Variants in VSIG10L observed in about 807,000 individuals in gnomAD.
VSIG10L encodes the protein V-set and immunoglobulin domain containing 10 like.
VSIG10L carries 63 observed loss-of-function variants against 67.3 expected under a neutral mutation model. The ratio of observed to expected loss-of-function variants is 0.94; its 90% CI spans 0.76 to 1.15. The LOEUF is 1.15. VSIG10L is among the 50% of genes most tolerant of loss of function. The probability of loss-of-function intolerance (pLI) is 0.00; values close to 1 mark genes in which losing one functional copy is unlikely to be tolerated. For synonymous variants in VSIG10L, 499 were observed against 524.9 expected (o/e 0.95, Z 0.67); for missense variants, 1,050 against 1,177.5 (o/e 0.89, Z 1.58).
rs1985423831 is a variant in VSIG10L at position 51,334,131 on chromosome 19, C to T, written c.2419+60G>A. 4.6e-6 allele frequency: 7 copies of T among 1,532,186 alleles called. No homozygotes were observed. The Admixed American group carries it at 1.4e-4, about 30-fold the overall frequency. The allele number at this position is 1,532,186 out of a possible 1,614,324, so 94.9% of individuals were successfully genotyped here. ...TGCCTCAGCCAGGTCTTCCATAGGC[C>T]TCTTTCTAGGGTCCCTCCCCGTTGG... On this transcript the variant is annotated intron_variant, in intron 8 of 9. Transcript: ENST00000335624.
chr19:51,339,060 G>A lies in VSIG10L; in HGVS notation c.1557C>T (p.Gly519=), dbSNP rs960927682. ...ACTGCAGGGAGGCAGCAGGGGCCCC[G>A]CCGGGCCACGAGCAGCGGAAGCGGA... ...RSLRFRCSWP[G]GAPAASLQFQ... is the part of the protein sequence containing the mutation. The change falls in exon 5 of 10, where the codon GGC becomes GGT. Residue 519 remains glycine, a synonymous_variant. Transcript: ENST00000335624. The A allele has an allele frequency of 2.2e-6, 3 of 1,338,080 alleles. No individual in the cohort carries two copies. Among genetic ancestry groups the A allele is most frequent in the Non-Finnish European group, 2.9e-6 (3 of 1,036,472 alleles). The allele number at this position is 1,338,080 out of a possible 1,614,324, so 82.9% of individuals were successfully genotyped here. A position where few individuals can be genotyped will look rare whatever the true frequency, so the allele number is the denominator to read the frequency against.
At position 51,341,162 on chromosome 19, in the gene VSIG10L, C is replaced by A; in HGVS notation, c.886G>T (p.Gly296Cys). Reference sequence around the variant, plus strand: ...GCCAGGGCCCACTTACCATACACACCCACCGTGAACTCGTGAGTCTGCTGG... The same window carrying A: ...GCCAGGGCCCACTTACCATACACACACACCGTGAACTCGTGAGTCTGCTGG... The part of the protein sequence containing the change: ...VSQQTHEFTV[G>C]VYEPLPQLSV... Residue 296 changes from glycine (G) to cysteine (C), a missense_variant, in exon 2 of 10, where the codon GGT becomes TGT. By Grantham distance (159) the Gly-to-Cys change is radical. Coordinates refer to ENST00000335624, the MANE Select transcript of VSIG10L (RefSeq NM_001163922.3). The A allele has an allele frequency of 1.3e-6, 2 of 1,519,976 alleles. No homozygotes were observed. Among genetic ancestry groups the A allele is most frequent in the African/African-American group, 2.8e-5 (2 of 71,924 alleles). 94.2% of individuals were successfully genotyped at this position (1,519,976 alleles called of 1,614,324 possible). A position where few individuals can be genotyped will look rare whatever the true frequency, so the allele number is the denominator to read the frequency against.
Position 51,341,465 on chromosome 19 carries a change from C to A in VSIG10L, c.583G>T (p.Val195Leu). 2 of 1,545,178 alleles carry A rather than the reference C, an allele frequency of 1.3e-6. No individual in the cohort carries two copies. Among genetic ancestry groups the A allele is most frequent in the East Asian group, 4.9e-5 (2 of 40,872 alleles). The change falls in exon 2 of 10, where the codon GTG becomes TTG. Residue 195 changes from valine (V) to leucine (L), a missense_variant. Val to Leu is a conservative substitution (Grantham distance 32). Coordinates refer to ENST00000335624, the MANE Select transcript of VSIG10L (RefSeq NM_001163922.3). ...THSAASFPQQ[V>L]GGPLAVLVGT... ...ACCAGCACAGCGAGTGGGCCCCCCACCTGCTGGGGAAAGCTTGCAGCTGAG... is the reference window on the plus strand; with the variant it reads ...ACCAGCACAGCGAGTGGGCCCCCCAACTGCTGGGGAAAGCTTGCAGCTGAG...
At chr19:51,339,266 A>C in intron 4 of VSIG10L, 124 bp from the exon 5 acceptor site, 1 of 1,047,370 alleles carries the variant, frequency 9.5e-7, no homozygotes, top group Non-Finnish European at 1.2e-6. Flanking sequence ...CACACTCCCC[A>C]CTTTTCCTGC....
Position 51,341,622 on chromosome 19 carries a change from A to G in VSIG10L, c.426T>C (p.Ala142=). The G allele has an allele frequency of 1.9e-6, 3 of 1,551,734 alleles. No homozygotes were observed. The highest frequency in any genetic ancestry group is 2.6e-6 in the Non-Finnish European group (3 of 1,146,996). The change falls in exon 2 of 10, where the codon GCT becomes GCC. Residue 142 remains alanine (A), a synonymous_variant. Coordinates refer to ENST00000335624, the MANE Select transcript of VSIG10L (RefSeq NM_001163922.3). ...GGGAGACTTGAGTAGAAATGTTTGA[A>G]GCTGGGGTCTTAACAGTGAAGGAAG... ...PKPSFTVKTP[A]SNISTQVSHT... is the part of the protein sequence containing the mutation.
rs372076222 is a variant in VSIG10L at position 51,332,653 on chromosome 19, G to A, written c.2575-13C>T. 344 of 1,550,718 alleles carry A rather than the reference G, an allele frequency of 2.2e-4. 2 individuals are homozygous for A. The African/African-American group carries it at 4.5e-3, about 20-fold the overall frequency. ...CTGGGGTCTGTGCCTGGAAGAGAGA[G>A]GTGGGGTGAGGGGAGAACTCAGTAG... On this transcript the variant is annotated splice_polypyrimidine_tract_variant and intron_variant, in intron 9 of 9. Coordinates refer to ENST00000335624, the MANE Select transcript of VSIG10L (RefSeq NM_001163922.3).
intron 7 of VSIG10L, among the ~76,000 whole-genome samples, chr19:51,336,137 G>C (rs1237349133): frequency 1.3e-5 from 2 of 152,186 alleles, no homozygotes; most frequent in African/African-American, 4.8e-5. Flanking sequence ...AAAAACATAT[G>C]TTGAAGTCCT....
rs953210796 is a variant in VSIG10L, at chr19:51,340,568, C to A, written c.1054G>T (p.Glu352Ter). The A allele has an allele frequency of 2.0e-6, 3 of 1,535,560 alleles. No homozygotes were observed. The highest frequency in any genetic ancestry group is 4.9e-5 in the East Asian group (2 of 40,874). The part of the protein sequence containing the change: ...ALEAAESEGA[E>*]TPRMRSEGDQ... ...CCCTCTGAGCGCATCCGGGGCGTCT[C>A]GGCTCCCTCCGATTCCGCCGCCTCC... is the stretch of plus-strand genomic sequence containing the variant. Residue 352 changes from glutamate (E) to a stop codon, truncating the protein, a stop_gained, in exon 3 of 10, where the codon GAG becomes TAG. Coordinates refer to ENST00000335624, the MANE Select transcript of VSIG10L (RefSeq NM_001163922.3). LOFTEE classifies it high-confidence loss of function. This position sits in a 1 kb window ranked among gnomAD's most constrained non-coding sequence, Gnocchi z 6.3.
At chr19:51,337,906 GT>G (rs1454631248) in intron 6 of VSIG10L, 23 bp downstream of exon 6, 1 of 1,527,322 alleles carries the variant, frequency 6.5e-7, no homozygotes. Flanking sequence ...GGACTTCAGG[GT>G]TTTTTGAAAT....
Position 51,341,249 on chromosome 19 carries a change from C to A in VSIG10L, c.799G>T (p.Ala267Ser), listed in dbSNP as rs1353765164. Reference protein sequence around the residue: ...FDQARGVLELASAQLDDAGVY... With the variant: ...FDQARGVLELSSAQLDDAGVY... ...CCTGCATCGTCCAGCTGGGCAGAGG[C>A]GAGCTCCAGAACCCCCCGGGCCTGG... The change falls in exon 2 of 10, where the codon GCC becomes TCC. Residue 267 changes from alanine (A) to serine (S), a missense_variant. Ala to Ser is a moderately conservative substitution (Grantham distance 99, BLOSUM62 1). Around this residue, in one of 3 missense-constraint regions of VSIG10L, gnomAD observed 511 missense variants for 557.9 expected, o/e 0.92. Coordinates refer to ENST00000335624, the MANE Select transcript of VSIG10L (RefSeq NM_001163922.3). The A allele has an allele frequency of 6.4e-7, 1 of 1,550,834 alleles. No individual in the cohort carries two copies. The highest frequency in any genetic ancestry group is 1.4e-5 in the African/African-American group (1 of 73,100).
rs1401695354 is a variant in VSIG10L, at chr19:51,337,300, C to T, written c.2243G>A (p.Arg748Gln). The T allele has an allele frequency of 1.4e-5, 22 of 1,551,494 alleles. No homozygotes were observed. The highest frequency in any genetic ancestry group is 7.1e-5 in the South Asian group (6 of 84,042). Residue 748 changes from arginine (R) to glutamine (Q), a missense_variant, in exon 7 of 10, where the codon CGG becomes CAG. Physicochemically the swap from Arg to Gln is conservative, Grantham distance 43. Coordinates refer to ENST00000335624, the MANE Select transcript of VSIG10L (RefSeq NM_001163922.3). ...PPRNPGTWTFRILPILGGQPG... is the reference protein window; with the variant it reads ...PPRNPGTWTFQILPILGGQPG... ...CTGGCCCCCCAGGATGGGCAGGATC[C>T]GAAAGGTCCAGGTCCCTGGGTTCCG...
rs1224247549 is a variant in VSIG10L at position 51,332,421 on chromosome 19, G to A, written c.*190C>T. The A allele has an allele frequency of 2.8e-6, 2 of 714,104 alleles. No individual in the cohort carries two copies. Among genetic ancestry groups the A allele is most frequent in the East Asian group, 5.5e-5 (2 of 36,666 alleles). The allele number at this position is 714,104 out of a possible 1,614,324, so 44.2% of individuals were successfully genotyped here. On this transcript the variant is annotated 3_prime_UTR_variant, in exon 10 of 10. Transcript: ENST00000335624. ...CATCTCCTTACTTGCACAAATACAG[G>A]AAGACTCTTCTTCTGCAGCAAGAGA... is the stretch of plus-strand genomic sequence containing the variant.
In VSIG10L at chr19:51,331,685, A is replaced by C. The variant is rs1985363639; in HGVS notation, c.*926T>G. 6.6e-6 allele frequency: 1 copy of C among 152,220 alleles called. No individual in the cohort carries two copies. The highest frequency in any genetic ancestry group is 6.5e-5 in the Admixed American group (1 of 15,286). The allele number at this position is 152,220 out of a possible 1,614,324, so 9.4% of individuals were successfully genotyped here. Reference sequence around the variant, plus strand: ...CAAGCCCAACTCTTCACTGGCACCAAAACATTTGATCAGTCAACAAATATT... The same window carrying C: ...CAAGCCCAACTCTTCACTGGCACCACAACATTTGATCAGTCAACAAATATT... On this transcript the variant is annotated 3_prime_UTR_variant, in exon 10 of 10. Coordinates refer to ENST00000335624, the MANE Select transcript of VSIG10L (RefSeq NM_001163922.3).
rs779524783 is a variant in VSIG10L at position 51,340,610 on chromosome 19, G to T, written c.1012C>A (p.Arg338=). 118 of 1,535,008 alleles carry T rather than the reference G, an allele frequency of 7.7e-5. No homozygotes were observed. Among genetic ancestry groups the T allele is most frequent in the Non-Finnish European group, 1.0e-4 (115 of 1,146,412 alleles). The change falls in exon 3 of 10, where the codon CGG becomes AGG. Residue 338 remains arginine (R), a synonymous_variant. Transcript: ENST00000335624. This position sits in a 1 kb window ranked among gnomAD's most constrained non-coding sequence, Gnocchi z 6.3. ...GCCGCCTCCAGGGCGCGTCCGTCCCGGCTCCAGCTCAGCTCCCCGCGACCT... is the reference window on the plus strand; with the variant it reads ...GCCGCCTCCAGGGCGCGTCCGTCCCTGCTCCAGCTCAGCTCCCCGCGACCT... The part of the protein sequence containing the change: ...GPGRGELSWS[R]DGRALEAAES...
Position 51,341,900 on chromosome 19 carries a change from C to G in VSIG10L, c.148G>C (p.Val50Leu). 1 of 1,551,728 alleles carries G rather than the reference C, an allele frequency of 6.4e-7. No homozygotes were observed. The highest frequency in any genetic ancestry group is 8.7e-7 in the Non-Finnish European group (1 of 1,147,000). The change falls in exon 2 of 10, where the codon GTG (valine) becomes CTG (leucine). Residue 50 changes from valine to leucine, a missense_variant. Around this residue, in one of 3 missense-constraint regions of VSIG10L, gnomAD observed 511 missense variants for 557.9 expected, o/e 0.92. Transcript: ENST00000335624. Reference sequence around the variant, plus strand: ...GGAGGTTTGATGGAGGGAACTTCCACACCCAGCCCCTGGGAAGAGCTCTTT... The same window carrying G: ...GGAGGTTTGATGGAGGGAACTTCCAGACCCAGCCCCTGGGAAGAGCTCTTT... ...DSKSSSQGLGVEVPSIKPPSW... is the reference protein window; with the variant it reads ...DSKSSSQGLGLEVPSIKPPSW...
intron 4 of VSIG10L, chr19:51,339,810 C>T: frequency 1.8e-6 from 1 of 561,126 alleles, no homozygotes; most frequent in Non-Finnish European, 2.7e-6. Context: ...CGCCTCTTAT[C>T]CTAGGTGTCT....
chr19:51,338,802 C>A, intron 5 of VSIG10L, 86 bp downstream of exon 5: 1 of 1,321,110 alleles, frequency 7.6e-7, no homozygotes, highest in South Asian at 2.0e-5. Context: ...AGGACGTACC[C>A]CATACCCCTT....
Position 51,340,261 on chromosome 19 carries a change from G to A in VSIG10L, c.1228C>T (p.Arg410Cys), listed in dbSNP as rs1019744318. Residue 410 changes from arginine to cysteine, a missense_variant, in exon 4 of 10, where the codon CGC (arginine) becomes TGC (cysteine). Coordinates refer to ENST00000335624, the MANE Select transcript of VSIG10L (RefSeq NM_001163922.3). This position sits in a 1 kb window ranked among gnomAD's most constrained non-coding sequence, Gnocchi z 6.3. ...DPPTITVSSD[R>C]DAAPARFVTA... ...ACAAAGCGGGCAGGCGCGGCGTCGC[G>A]GTCCGAGGAGACCGTGATGGTCGGC... 3 of 1,516,710 alleles carry A rather than the reference G, an allele frequency of 2.0e-6. No homozygotes were observed. The highest frequency in any genetic ancestry group is 1.4e-5 in the African/African-American group (1 of 70,092). The allele number at this position is 1,516,710 out of a possible 1,614,324, so 94.0% of individuals were successfully genotyped here.
chr19:51,334,029 T>G (rs1437623678), intron 8 of VSIG10L, 84 bp from the exon 9 acceptor site: 1 of 1,529,908 alleles, frequency 6.5e-7, no homozygotes, highest in East Asian at 2.4e-5. Context: ...GGAAGCTGGT[T>G]GGAGAGGCGG....
Sources: gnomAD v4.1 joint callset for allele counts (sites outside exome capture counted in the v4.1 genomes callset) on GRCh38, gnomAD v4.1.1 for gene constraint, gnomAD v4.1.1 regional missense constraint, Gnocchi (gnomAD v3.1) non-coding constraint, MANE v1.5 for transcripts, NCBI Gene and HGNC (gene_info 2026-07-23, HGNC 2026-07-21) for gene names.